SEPTIN9: variants seen among roughly 807,000 people sequenced by gnomAD.
The protein encoded by SEPTIN9 is septin-9.
A neutral mutation model predicts 56.6 loss-of-function variants in SEPTIN9; 13 were observed. The observed-to-expected ratio is 0.23, with a 90% CI of 0.15 to 0.37. The LOEUF (loss-of-function observed/expected upper bound fraction) is 0.37, where lower values mean the gene tolerates loss of function less well. SEPTIN9 is among the 10% of genes least tolerant of loss of function. The probability of loss-of-function intolerance (pLI) is 1.00; values close to 1 mark genes in which losing one functional copy is unlikely to be tolerated. For missense variants in SEPTIN9, 650 were observed against 823.1 expected (o/e 0.79, Z 2.57); for synonymous variants, 332 against 334.1 (o/e 0.99, Z 0.07).
intron 2 of SEPTIN9, among the ~76,000 whole-genome samples, chr17:77,366,812 TGAGGTG>T (rs1462392625): frequency 6.6e-6 from 1 of 151,930 alleles, no homozygotes; most frequent in Non-Finnish European, 1.5e-5. Context: ...GGAGCTCGGA[TGAGGTG>T]GGGGTGGGGA....
chr17:77,357,432 C>A (rs955490147), intron 2 of SEPTIN9, among the ~76,000 whole-genome samples: 16 of 152,172 alleles, frequency 1.1e-4, no homozygotes, highest in African/African-American at 3.9e-4. Flanking sequence ...TCAGCCATCA[C>A]CTAGATTCTA....
intron 2 of SEPTIN9, among the ~76,000 whole-genome samples, chr17:77,348,728 T>G (rs1351382480): frequency 1.3e-5 from 2 of 152,218 alleles, no homozygotes; most frequent in African/African-American, 2.4e-5. Context: ...GGAAAAAAAG[T>G]GTAAGAACTA....
intron 10 of SEPTIN9, among the ~76,000 whole-genome samples, chr17:77,496,046 T>TG (rs1319492839): frequency 1.3e-5 from 2 of 150,360 alleles, no homozygotes; most frequent in Non-Finnish European, 3.0e-5. Flanking sequence ...TTTTTTTTTT[T>TG]GAGACGAAGT....
chr17:77,340,943 T>C (rs999402568), intron 2 of SEPTIN9, among the ~76,000 whole-genome samples: 5 of 152,272 alleles, frequency 3.3e-5, no homozygotes, highest in African/African-American at 4.8e-5. Context: ...TTAGCCTTCA[T>C]ACCATTGAAG....
intron 2 of SEPTIN9, among the ~76,000 whole-genome samples, chr17:77,349,150 A>AGT (rs1291439827): frequency 6.6e-6 from 1 of 151,888 alleles, no homozygotes; most frequent in African/African-American, 2.4e-5. Context: ...CACAGGCTAC[A>AGT]GTGCAATGGT....
intron 2 of SEPTIN9, among the ~76,000 whole-genome samples, chr17:77,368,637 A>G (rs2034637514): frequency 6.6e-6 from 1 of 152,192 alleles, no homozygotes; most frequent in East Asian, 1.9e-4. Context: ...TATATTACAT[A>G]TATTTTATCA....
chr17:77,468,716 C>G (rs531193583), intron 3 of SEPTIN9, among the ~76,000 whole-genome samples: 1 of 152,180 alleles, frequency 6.6e-6, no homozygotes, highest in Non-Finnish European at 1.5e-5. Flanking sequence ...CAATGGAAAC[C>G]AGTCACGGCT....
At chr17:77,342,074 CAAA>C (rs35151530) in intron 2 of SEPTIN9, among the ~76,000 whole-genome samples, 1 of 130,392 alleles carries the variant, frequency 7.7e-6, no homozygotes. Flanking sequence ...GACTCTGTCT[CAAA>C]AAAAAAAAAA....
intron 4 of SEPTIN9, among the ~76,000 whole-genome samples, chr17:77,484,919 G>A (rs1327348108): frequency 7.4e-6 from 1 of 135,058 alleles, no homozygotes; most frequent in Non-Finnish European, 1.7e-5. Context: ...GATGATGGTG[G>A]TGATTGTGAT....
At chr17:77,342,502 A>G (rs2033766379) in intron 2 of SEPTIN9, among the ~76,000 whole-genome samples, 1 of 152,194 alleles carries the variant, frequency 6.6e-6, no homozygotes, top group Non-Finnish European at 1.5e-5. Flanking sequence ...TTTCTCTGTT[A>G]TCTTCATTAC....
chr17:77,488,610 C>CA (rs2039894733), intron 6 of SEPTIN9, 117 bp from the exon 7 acceptor site: 1 of 1,428,628 alleles, frequency 7.0e-7, no homozygotes, highest in African/African-American at 1.4e-5. Flanking sequence ...AGCCAGACCT[C>CA]CCAGGGCATG....
At chr17:77,460,912 ACTC>A (rs1460287905) in intron 3 of SEPTIN9, among the ~76,000 whole-genome samples, 1 of 151,362 alleles carries the variant, frequency 6.6e-6, no homozygotes, top group Non-Finnish European at 1.5e-5. Context: ...GCCATCCCCC[ACTC>A]CTTTTAAGTG....
chr17:77,434,620 A>G lies in SEPTIN9; in HGVS notation c.721+31917A>G, dbSNP rs1347054988. Among the ~76,000 whole-genome samples, 1 of 152,126 alleles carries G rather than the reference A, an allele frequency of 6.6e-6. No individual in the cohort carries two copies. The highest frequency in any genetic ancestry group is 1.5e-5 in the Non-Finnish European group (1 of 68,006). Reference sequence around the variant, plus strand: ...AAGGTGCCCTGGCAGGACCTGCACCATGACCCCCGTCAAAGCTCACGTCCA... The same window carrying G: ...AAGGTGCCCTGGCAGGACCTGCACCGTGACCCCCGTCAAAGCTCACGTCCA... On this transcript the variant is annotated intron_variant, in intron 3 of 11. Transcript: ENST00000427177. The surrounding 1 kb of genome is among the most constrained non-coding windows in gnomAD (Gnocchi z 5.0).
intron 2 of SEPTIN9, among the ~76,000 whole-genome samples, chr17:77,353,574 G>A (rs1056061129): frequency 6.6e-6 from 1 of 152,056 alleles, no homozygotes; most frequent in African/African-American, 2.4e-5. Context: ...ATCTTTGCTT[G>A]TCTTATTTTA....
At chr17:77,316,917 A>G (rs1212817309) in intron 2 of SEPTIN9, among the ~76,000 whole-genome samples, 1 of 152,044 alleles carries the variant, frequency 6.6e-6, no homozygotes, top group East Asian at 1.9e-4. Context: ...AACTCAATAC[A>G]AAGAAAGATA....
chr17:77,375,965 G>A (rs888899223), intron 2 of SEPTIN9: 3 of 331,238 alleles, frequency 9.1e-6, no homozygotes, highest in East Asian at 3.4e-4. Context: ...CAGACGTGGG[G>A]AAGGGATGAT....
chr17:77,344,078 G>A (rs183467709), intron 2 of SEPTIN9, among the ~76,000 whole-genome samples: 123 of 152,206 alleles, frequency 8.1e-4, no homozygotes, highest in Non-Finnish European at 1.4e-3. Context: ...TACCAATGGC[G>A]TGAAAAGGAA....
Position 77,402,175 on chromosome 17 carries a change from G to T in SEPTIN9, c.193G>T (p.Asp65Tyr). 1 of 1,613,822 alleles carries T rather than the reference G, an allele frequency of 6.2e-7. No homozygotes were observed. Among genetic ancestry groups the T allele is most frequent in the Non-Finnish European group, 8.5e-7 (1 of 1,179,868 alleles). ...TVASSTQKFQ[D>Y]LGVKNSEPSA... The stretch of plus-strand genomic sequence containing the variant: ...GGCCAGCTCCACCCAGAAATTCCAG[G>T]ACCTGGGCGTGAAGAACTCAGAACC... Residue 65 changes from aspartate to tyrosine, a missense_variant, in exon 3 of 12, where the codon GAC becomes TAC. Transcript: ENST00000427177. This position sits in a 1 kb window ranked among gnomAD's most constrained non-coding sequence, Gnocchi z 6.6.
rs1390266102 is a variant in SEPTIN9, at chr17:77,499,804, G to C, written c.*1146G>C. On this transcript the variant is annotated 3_prime_UTR_variant, in exon 12 of 12. Coordinates refer to ENST00000427177, the MANE Select transcript of SEPTIN9 (RefSeq NM_001113491.2). ...ACTCTCTGAGCTGGGGAGGTGGGAG[G>C]CCAGGCGAGCCTGACTCTGTTGATC... 3.0e-6 allele frequency: 1 copy of C among 336,486 alleles called. No individual in the cohort carries two copies. Among genetic ancestry groups the C allele is most frequent in the Non-Finnish European group, 5.6e-6 (1 of 179,860 alleles). The allele number at this position is 336,486 out of a possible 1,614,324, so 20.8% of individuals were successfully genotyped here.
Sources: allele counts gnomAD v4.1 joint callset (sites outside exome capture counted in the v4.1 genomes callset), GRCh38; gene constraint gnomAD v4.1.1; non-coding constraint Gnocchi (gnomAD v3.1); transcripts MANE v1.5; gene names NCBI Gene and HGNC (gene_info 2026-07-23, HGNC 2026-07-21).